The following FAF1 variants were observed in gnomAD, a reference collection of about 807,000 sequenced individuals.
FAF1 encodes FAS-associated factor 1.
FAF1 carries 25 observed loss-of-function variants against 92.5 expected under a neutral mutation model. That is an observed-to-expected ratio of 0.27 (90% CI 0.20 to 0.38). The LOEUF is 0.38. Ranked by LOEUF, FAF1 falls within the 10% of genes least tolerant of loss-of-function variation. FAF1 has a pLI of 1.00. For missense variants in FAF1, 636 were observed against 793.3 expected (o/e 0.80, Z 2.38); for synonymous variants, 234 against 273.2 (o/e 0.86, Z 1.42).
At chr1:50,502,122 C>T (rs1165256776) in intron 15 of FAF1, among the ~76,000 whole-genome samples, 1 of 152,048 alleles carries the variant, frequency 6.6e-6, no homozygotes, top group Non-Finnish European at 1.5e-5. Context: ...CATAATAAGC[C>T]CTTTATCAGT....
At chr1:50,514,978 C>G (rs1041612767) in intron 15 of FAF1, among the ~76,000 whole-genome samples, 6 of 152,130 alleles carry the variant, frequency 3.9e-5, no homozygotes, top group African/African-American at 1.4e-4. Flanking sequence ...ATGGCATTAA[C>G]CTGTTAATCA....
chr1:50,867,076 TAA>T (rs1644487560), intron 1 of FAF1, among the ~76,000 whole-genome samples: 1 of 151,934 alleles, frequency 6.6e-6, no homozygotes, highest in Admixed American at 6.6e-5. Context: ...AACAAAAACA[TAA>T]AGTGTGGAAA....
rs539204100 is a variant in FAF1 at position 50,832,693 on chromosome 1, C to T, written c.114+25236G>A. Among the ~76,000 whole-genome samples, 5 of 152,224 alleles carry T rather than the reference C, an allele frequency of 3.3e-5. No individual in the cohort carries two copies. The South Asian group carries it at 1.0e-3, about 32-fold the overall frequency. ...TTATTTGTTTTTACTGAAGGTTCTC[C>T]ACCTCTTTTCCCTGTCTTTATGCTG... is the stretch of plus-strand genomic sequence containing the variant. On this transcript the variant is annotated intron_variant, in intron 2 of 18. Transcript: ENST00000396153.
chr1:50,939,465 C>G (rs1310824909), intron 1 of FAF1, among the ~76,000 whole-genome samples: 1 of 152,156 alleles, frequency 6.6e-6, no homozygotes, highest in Non-Finnish European at 1.5e-5. Flanking sequence ...GAGCTTTTGG[C>G]AGAGTCCTTA....
At chr1:50,901,891 C>G (rs1352016584) in intron 1 of FAF1, among the ~76,000 whole-genome samples, 1 of 152,130 alleles carries the variant, frequency 6.6e-6, no homozygotes, top group Non-Finnish European at 1.5e-5. Flanking sequence ...AACCCTGTTA[C>G]AGCCAGTTAA....
chr1:50,459,280 T>A (rs888761214), intron 18 of FAF1, among the ~76,000 whole-genome samples: 1 of 152,146 alleles, frequency 6.6e-6, no homozygotes, highest in African/African-American at 2.4e-5. Context: ...GGCCCAGAAC[T>A]CAGTCTTTTA....
At chr1:50,846,923 T>G (rs1644306466) in intron 2 of FAF1, 2 of 339,840 alleles carry the variant, frequency 5.9e-6, no homozygotes, top group South Asian at 5.7e-5. Context: ...TTTACAAGCT[T>G]GGCCTTTTAT....
chr1:50,518,706 C>CT (rs1031630950), intron 15 of FAF1, among the ~76,000 whole-genome samples: 1 of 152,124 alleles, frequency 6.6e-6, no homozygotes, highest in Non-Finnish European at 1.5e-5. Context: ...TCCCACAGTG[C>CT]TGGGATTACA....
chr1:50,901,729 G>C (rs1036067160), intron 1 of FAF1, among the ~76,000 whole-genome samples: 5 of 151,980 alleles, frequency 3.3e-5, no homozygotes, highest in African/African-American at 1.2e-4. Flanking sequence ...GTCGGGCATG[G>C]TGGTGCATGC....
chr1:50,439,796 G>C lies in FAF1; in HGVS notation c.*1644C>G, dbSNP rs925852856. 2.0e-5 allele frequency: 3 copies of C among 152,176 alleles called. No individual in the cohort carries two copies. The highest frequency in any genetic ancestry group is 7.2e-5 in the African/African-American group (3 of 41,436). The allele number at this position is 152,176 out of a possible 1,614,324, so 9.4% of individuals were successfully genotyped here. A position where few individuals can be genotyped will look rare whatever the true frequency, so the allele number is the denominator to read the frequency against. On this transcript the variant is annotated 3_prime_UTR_variant, in exon 19 of 19. Coordinates refer to ENST00000396153, the MANE Select transcript of FAF1 (RefSeq NM_007051.3). Reference sequence around the variant, plus strand: ...AAGATAGGAATAGAGCTGGAGAGAAGTGTTCAGTTTGAACTCCCCTGAACA... The same window carrying C: ...AAGATAGGAATAGAGCTGGAGAGAACTGTTCAGTTTGAACTCCCCTGAACA...
chr1:50,562,509 G>A (rs531573439), intron 13 of FAF1, among the ~76,000 whole-genome samples: 1 of 152,122 alleles, frequency 6.6e-6, no homozygotes, highest in Non-Finnish European at 1.5e-5. Context: ...AAAAGACTAG[G>A]AATGCTACTA....
At chr1:50,451,777 A>G (rs1646296323) in intron 18 of FAF1, 1 of 915,430 alleles carries the variant, frequency 1.1e-6, no homozygotes, top group African/African-American at 1.8e-5. Flanking sequence ...AAGCCCAGTG[A>G]GTGGAAAGAA....
At chr1:50,943,669 G>C (rs760738303) in intron 1 of FAF1, among the ~76,000 whole-genome samples, 17 of 151,970 alleles carry the variant, frequency 1.1e-4, no homozygotes, top group Non-Finnish European at 2.1e-4. Context: ...TAACTAATCA[G>C]TTATCATTCC....
intron 6 of FAF1, among the ~76,000 whole-genome samples, chr1:50,711,671 T>C (rs1028127404): frequency 4.6e-5 from 7 of 152,040 alleles, no homozygotes; most frequent in African/African-American, 1.2e-4. Context: ...TTTACTATAT[T>C]GGTCAGGCTG....
chr1:50,564,431 C>A (rs892318224), intron 13 of FAF1, among the ~76,000 whole-genome samples: 1 of 152,066 alleles, frequency 6.6e-6, no homozygotes, highest in African/African-American at 2.4e-5. Flanking sequence ...ACTTGTGATG[C>A]CTAGAAATCT....
chr1:50,831,507 C>T (rs941001606), intron 2 of FAF1, among the ~76,000 whole-genome samples: 2 of 152,156 alleles, frequency 1.3e-5, no homozygotes, highest in African/African-American at 4.8e-5. Flanking sequence ...AATATATCTG[C>T]CGTCTTTCTC....
intron 8 of FAF1, among the ~76,000 whole-genome samples, chr1:50,645,105 A>G (rs79136802): frequency 1.3e-4 from 20 of 152,270 alleles, no homozygotes; most frequent in African/African-American, 4.3e-4. Context: ...AAAAGACTCT[A>G]TATGTTGACA....
At chr1:50,926,463 CAT>C (rs1570148740) in intron 1 of FAF1, among the ~76,000 whole-genome samples, 1 of 151,984 alleles carries the variant, frequency 6.6e-6, no homozygotes, top group East Asian at 1.9e-4. Context: ...ACCTGGTTAA[CAT>C]ATAAAATTAC....
intron 1 of FAF1, among the ~76,000 whole-genome samples, chr1:50,917,426 T>C (rs758868666): frequency 3.3e-5 from 5 of 152,050 alleles, no homozygotes; most frequent in Non-Finnish European, 5.9e-5. Context: ...CAAATAAAAA[T>C]AGAAACCAGC....
Sources: allele counts gnomAD v4.1 joint callset (sites outside exome capture counted in the v4.1 genomes callset), GRCh38; gene constraint gnomAD v4.1.1; transcripts MANE v1.5; gene names NCBI Gene and HGNC (gene_info 2026-07-23, HGNC 2026-07-21).